SYNE1: variants seen among roughly 807,000 people sequenced by gnomAD.
The protein encoded by SYNE1 is spectrin repeat containing nuclear envelope protein 1.
In SYNE1, 616 loss-of-function variants were observed where a neutral mutation model predicts 1,111.0. The ratio of observed to expected loss-of-function variants is 0.55; its 90% CI spans 0.52 to 0.59. SYNE1 has a LOEUF of 0.59. Among genes scored for constraint, SYNE1 ranks in the 20% least tolerant of loss-of-function variants. The pLI is 0.00. For synonymous variants in SYNE1, 3,855 were observed against 3,825.8 expected (o/e 1.01, Z -0.28); for missense variants, 10,006 against 10,417.0 (o/e 0.96, Z 1.72).
intron 81 of SYNE1, among the ~76,000 whole-genome samples, chr6:152,324,608 C>T (rs1303800725): frequency 6.6e-6 from 1 of 151,962 alleles, no homozygotes; most frequent in Non-Finnish European, 1.5e-5. Context: ...TCCTGGCTAA[C>T]GAGGTGAAAC....
intron 2 of SYNE1, among the ~76,000 whole-genome samples, chr6:152,629,544 A>AGGGG (rs1565300100): frequency 6.5e-5 from 1 of 15,410 alleles, no homozygotes; most frequent in Non-Finnish European, 1.1e-4. Flanking sequence ...GGGGAGGGGG[A>AGGGG]GGGGAGGAGG....
chr6:152,360,753 G>A (rs2096918003), intron 64 of SYNE1, among the ~76,000 whole-genome samples: 1 of 152,144 alleles, frequency 6.6e-6, no homozygotes, highest in Non-Finnish European at 1.5e-5. Context: ...GATAATACAT[G>A]CAGGTATTTA....
intron 15 of SYNE1, chr6:152,472,029 A>G: frequency 1.7e-6 from 1 of 592,884 alleles, no homozygotes; most frequent in Non-Finnish European, 3.0e-6. Context: ...GCAATATTAC[A>G]TAATGTTCCT....
chr6:152,628,334 T>G lies in SYNE1; in HGVS notation c.-3A>C. On this transcript the variant is annotated 5_prime_UTR_variant, in exon 3 of 146. Coordinates refer to ENST00000367255, the MANE Select transcript of SYNE1 (RefSeq NM_182961.4). ...GAGGCCCCTCTGGAGGTTGCCATGG[T>G]CCCTCCGGAAGCACGAAGCCAACAC... The G allele has an allele frequency of 6.2e-7, 1 of 1,614,168 alleles. No individual in the cohort carries two copies. Among genetic ancestry groups the G allele is most frequent in the Non-Finnish European group, 8.5e-7 (1 of 1,180,026 alleles).
In SYNE1 at chr6:152,239,721, G is replaced by A. The variant is rs745934517; in HGVS notation, c.19894-15C>T. 2 of 1,613,996 alleles carry A rather than the reference G, an allele frequency of 1.2e-6. No individual in the cohort carries two copies. Among genetic ancestry groups the A allele is most frequent in the Non-Finnish European group, 1.7e-6 (2 of 1,179,974 alleles). On this transcript the variant is annotated splice_polypyrimidine_tract_variant and intron_variant, in intron 107 of 145. Transcript: ENST00000367255. Reference sequence around the variant, plus strand: ...TGAAAGTATTCCTGCAATTTTTCAGGAAGAAAGAAGTCAGCAACTCATTCA... The same window carrying A: ...TGAAAGTATTCCTGCAATTTTTCAGAAAGAAAGAAGTCAGCAACTCATTCA...
At chr6:152,359,926 A>G (rs2096903535) in intron 64 of SYNE1, among the ~76,000 whole-genome samples, 1 of 151,836 alleles carries the variant, frequency 6.6e-6, no homozygotes, top group East Asian at 1.9e-4. Context: ...ACCATTAGGA[A>G]ATCCTGTTAG....
rs1438790414 is a variant in SYNE1, at chr6:152,234,808, GTATA to G, written c.20397-12_20397-9del. On this transcript the variant is annotated splice_polypyrimidine_tract_variant and intron_variant, in intron 110 of 145. Coordinates refer to ENST00000367255, the MANE Select transcript of SYNE1 (RefSeq NM_182961.4). ...GCAGATTCACTTTGATATCTGTTAA[GTATA>G]TTATGGAGTCCATTAAGTAAACATT... 2 of 1,613,876 alleles carry G rather than the reference GTATA, an allele frequency of 1.2e-6. No individual in the cohort carries two copies. The highest frequency in any genetic ancestry group is 2.7e-5 in the African/African-American group (2 of 74,926).
intron 4 of SYNE1, among the ~76,000 whole-genome samples, chr6:152,531,318 G>A (rs2099199853): frequency 6.6e-6 from 1 of 152,142 alleles, no homozygotes; most frequent in African/African-American, 2.4e-5. Flanking sequence ...GTTACGGCCA[G>A]AGTAAATGAT....
chr6:152,294,310 T>G (rs2094760615), intron 93 of SYNE1, among the ~76,000 whole-genome samples, 183 bp from the exon 94 acceptor site: 1 of 152,238 alleles, frequency 6.6e-6, no homozygotes, highest in Non-Finnish European at 1.5e-5. Flanking sequence ...CAAAGCACAC[T>G]GTAATTGTTT....
chr6:152,359,428 T>A lies in SYNE1; in HGVS notation c.10330A>T (p.Ser3444Cys). ...LLNEEVLSYS[S>C]LLETIEVKGA... Reference sequence around the variant, plus strand: ...TTGACTTCGATGGTCTCCAGCAAGCTGCTGTAACTCAGCACTTCTTCATTT... The same window carrying A: ...TTGACTTCGATGGTCTCCAGCAAGCAGCTGTAACTCAGCACTTCTTCATTT... Residue 3444 changes from serine to cysteine, a missense_variant, in exon 65 of 146, where the codon AGC (serine) becomes TGC (cysteine). Around this residue, in one of 7 missense-constraint regions of SYNE1, gnomAD observed 4,955 missense variants for 5,017.2 expected, o/e 0.99. Transcript: ENST00000367255. The A allele has an allele frequency of 6.2e-7, 1 of 1,614,214 alleles. No individual in the cohort carries two copies. Among genetic ancestry groups the A allele is most frequent in the Non-Finnish European group, 8.5e-7 (1 of 1,180,030 alleles).
chr6:152,147,677 G>A (rs1187430096), intron 137 of SYNE1: 4 of 289,694 alleles, frequency 1.4e-5, no homozygotes, highest in South Asian at 3.4e-5. Flanking sequence ...CCAGGACTCC[G>A]GCTTTGTCGC....
intron 125 of SYNE1, among the ~76,000 whole-genome samples, chr6:152,206,566 G>A (rs966764456): frequency 2.0e-5 from 3 of 152,176 alleles, no homozygotes; most frequent in African/African-American, 4.8e-5. Flanking sequence ...AGGTAAGTAC[G>A]ATTGATGTAA....
chr6:152,410,123 T>C (rs1402963796), intron 42 of SYNE1, among the ~76,000 whole-genome samples: 1 of 152,162 alleles, frequency 6.6e-6, no homozygotes, highest in Non-Finnish European at 1.5e-5. Context: ...AAACAAAACA[T>C]AGCCCAAAAC....
intron 91 of SYNE1, among the ~76,000 whole-genome samples, chr6:152,306,798 A>G (rs1199936926): frequency 6.6e-6 from 1 of 150,956 alleles, no homozygotes; most frequent in African/African-American, 2.4e-5. Flanking sequence ...AGGTGGGAGG[A>G]CTGCCTGAAC....
chr6:152,528,576 T>C (rs1483343712), intron 4 of SYNE1, among the ~76,000 whole-genome samples: 1 of 152,196 alleles, frequency 6.6e-6, no homozygotes, highest in East Asian at 1.9e-4. Context: ...ACCAATATGG[T>C]GACTTTGATA....
At chr6:152,580,060 T>C (rs558018444) in intron 3 of SYNE1, among the ~76,000 whole-genome samples, 2 of 152,246 alleles carry the variant, frequency 1.3e-5, no homozygotes, top group African/African-American at 4.8e-5. Context: ...AAATGGTAAT[T>C]CTGCTTTAAG....
Position 152,215,207 on chromosome 6 carries a change from C to G in SYNE1, c.22192-147G>C, listed in dbSNP as rs1049430783. Reference sequence around the variant, plus strand: ...TTTCTAGGCCACTTACTTACAATCTCTAGGTACGAATAGCGAAAAGCCAAA... The same window carrying G: ...TTTCTAGGCCACTTACTTACAATCTGTAGGTACGAATAGCGAAAAGCCAAA... On this transcript the variant is annotated intron_variant, in intron 121 of 145. Transcript: ENST00000367255. 9.0e-6 allele frequency: 8 copies of G among 888,666 alleles called. No individual in the cohort carries two copies. The African/African-American group carries it at 1.3e-4, about 15-fold the overall frequency. 55.0% of individuals were successfully genotyped at this position (888,666 alleles called of 1,614,324 possible).
chr6:152,470,293 G>C (rs1189670276), intron 16 of SYNE1, among the ~76,000 whole-genome samples: 2 of 152,096 alleles, frequency 1.3e-5, no homozygotes, highest in Non-Finnish European at 2.9e-5. Flanking sequence ...AATCTGATTG[G>C]CTGTTCTGAA....
intron 3 of SYNE1, among the ~76,000 whole-genome samples, chr6:152,580,257 T>C (rs56312058): frequency 0.17 from 25,397 of 152,212 alleles, 2,323 homozygotes; most frequent in Admixed American, 0.24. Flanking sequence ...TGCATTTTTC[T>C]GATGATGAGT....
Sources: allele counts gnomAD v4.1 joint callset (sites outside exome capture counted in the v4.1 genomes callset), GRCh38; gene constraint gnomAD v4.1.1; regional missense constraint gnomAD v4.1.1; transcripts MANE v1.5; gene names NCBI Gene and HGNC (gene_info 2026-07-23, HGNC 2026-07-21).